ZNF268: variants seen among roughly 807,000 people sequenced by gnomAD.
The protein encoded by ZNF268 is zinc finger protein 3.
In ZNF268, 20 loss-of-function variants were observed where a neutral mutation model predicts 29.3. The observed-to-expected ratio is 0.68, with a 90% CI of 0.48 to 0.99. ZNF268 has a LOEUF of 0.99. ZNF268 is among the 50% of genes least tolerant of loss of function. The pLI is 0.00. For synonymous variants in ZNF268, 429 were observed against 376.9 expected, an observed-to-expected ratio of 1.14 and a Z score of -1.60; for missense variants, 1,240 against 1,121.6, an observed-to-expected ratio of 1.11 and a Z score of -1.51.
intron 5 of ZNF268, among the ~76,000 whole-genome samples, chr12:133,195,932 C>T (rs994805686): frequency 2.7e-5 from 4 of 150,758 alleles, no homozygotes; most frequent in Non-Finnish European, 5.9e-5. Flanking sequence ...AGGCTGGTCT[C>T]GAACTCCTGA....
chr12:133,202,872 G>C lies in ZNF268; in HGVS notation c.1186G>C (p.Ala396Pro). Residue 396 changes from alanine (A) to proline (P), a missense_variant, in exon 6 of 6, where the codon GCT becomes CCT. Physicochemically the swap from Ala to Pro is conservative, Grantham distance 27. Around this residue, in one of 3 missense-constraint regions of ZNF268, gnomAD observed 1,177 missense variants for 1,039.6 expected, o/e 1.13. Coordinates refer to ENST00000536435, the MANE Select transcript of ZNF268 (RefSeq NM_003415.3). ...KPYVCNECGK[A>P]FGLKSQLIIH... The stretch of plus-strand genomic sequence containing the variant: ...ATATGTGTGTAATGAATGTGGGAAA[G>C]CTTTTGGTTTAAAATCACAGCTCAT... 1 of 1,565,078 alleles carries C rather than the reference G, an allele frequency of 6.4e-7. No homozygotes were observed. Among genetic ancestry groups the C allele is most frequent in the Non-Finnish European group, 8.6e-7 (1 of 1,158,682 alleles).
chr12:133,202,695 T>A lies in ZNF268; in HGVS notation c.1009T>A (p.Cys337Ser). ...TGEKLHECSECRKTFSFHSQL... is the reference protein window; with the variant it reads ...TGEKLHECSESRKTFSFHSQL... The stretch of plus-strand genomic sequence containing the variant: ...AGAGAAACTACATGAATGCAGTGAA[T>A]GCAGGAAAACATTCAGTTTCCATTC... Residue 337 changes from cysteine to serine, a missense_variant, in exon 6 of 6, where the codon TGC (cysteine) becomes AGC (serine). Cys to Ser is a moderately radical substitution (Grantham distance 112, BLOSUM62 -1). Transcript: ENST00000536435. 1.2e-6 allele frequency: 2 copies of A among 1,610,954 alleles called. No homozygotes were observed. The highest frequency in any genetic ancestry group is 1.7e-6 in the Non-Finnish European group (2 of 1,178,492).
At chr12:133,182,121 G>A in intron 2 of ZNF268, 91 bp downstream of exon 2, 1 of 1,322,516 alleles carries the variant, frequency 7.6e-7, no homozygotes, top group Non-Finnish European at 1.0e-6. Context: ...TTTGCCAGGA[G>A]CTTTCTCACC....
At chr12:133,192,256 C>T (rs1314444062) in intron 5 of ZNF268, among the ~76,000 whole-genome samples, 1 of 151,686 alleles carries the variant, frequency 6.6e-6, no homozygotes, top group East Asian at 1.9e-4. Context: ...TACAGTTGTG[C>T]GCCACCATGC....
intron 1 of ZNF268, 56 bp from the exon 2 acceptor site, chr12:133,181,890 C>T (rs1027282296): frequency 1.6e-6 from 2 of 1,267,356 alleles, no homozygotes; most frequent in African/African-American, 1.5e-5. Flanking sequence ...GACCCTCCCC[C>T]TCTGGGTTTG....
intron 5 of ZNF268, among the ~76,000 whole-genome samples, chr12:133,193,181 G>A (rs761241236): frequency 1.3e-5 from 2 of 152,038 alleles, no homozygotes; most frequent in South Asian, 2.1e-4. Flanking sequence ...AAAGACTTAC[G>A]CATTAGCTGA....
At position 133,195,913 on chromosome 12, in the gene ZNF268, A is replaced by G. The variant is rs372524912; in HGVS notation, c.457+3910A>G. Among the ~76,000 whole-genome samples, 7 of 150,358 alleles carry G rather than the reference A, an allele frequency of 4.7e-5. No homozygotes were observed. The East Asian group carries it at 8.2e-4, about 18-fold the overall frequency. ...TTGTATTTTTAGACAGGGTTTCACC[A>G]TGTTGATCAGGCTGGTCTCGAACTC... On this transcript the variant is annotated intron_variant, in intron 5 of 5. Coordinates refer to ENST00000536435, the MANE Select transcript of ZNF268 (RefSeq NM_003415.3).
chr12:133,204,096 G>C lies in ZNF268; in HGVS notation c.2410G>C (p.Gly804Arg), dbSNP rs1436772067. 3 of 1,548,042 alleles carry C rather than the reference G, an allele frequency of 1.9e-6. No homozygotes were observed. Among genetic ancestry groups the C allele is most frequent in the Non-Finnish European group, 2.6e-6 (3 of 1,149,198 alleles). The change falls in exon 6 of 6, where the codon GGT becomes CGT. Residue 804 changes from glycine (G) to arginine (R), a missense_variant. Physicochemically the swap from Gly to Arg is moderately radical, Grantham distance 125 (BLOSUM62 -2). Transcript: ENST00000536435. The part of the protein sequence containing the change: ...YLIIHMRTHS[G>R]EKPYECNECG... ...AATTATACACATGAGAACTCATTCA[G>C]GTGAAAAACCATATGAATGTAATGA...
rs1956818593 is a variant in ZNF268 at position 133,203,730 on chromosome 12, C to T, written c.2044C>T (p.Gln682Ter). The change falls in exon 6 of 6, where the codon CAG becomes TAG. Residue 682 changes from glutamine (Q) to a stop codon, truncating the protein, a stop_gained. Coordinates refer to ENST00000536435, the MANE Select transcript of ZNF268 (RefSeq NM_003415.3). LOFTEE classifies it low-confidence loss of function (END_TRUNC). ...QCAKTFSLKS[Q>*]LIVHQRSHTG... Reference sequence around the variant, plus strand: ...TGCAAAAACCTTTAGTTTGAAGTCCCAGCTCATTGTACATCAGAGAAGTCA... The same window carrying T: ...TGCAAAAACCTTTAGTTTGAAGTCCTAGCTCATTGTACATCAGAGAAGTCA... 1.3e-6 allele frequency: 2 copies of T among 1,552,184 alleles called. No individual in the cohort carries two copies. The highest frequency in any genetic ancestry group is 1.7e-4 in the Middle Eastern group (1 of 6,000).
At chr12:133,191,816 A>T (rs781620873) in intron 4 of ZNF268, 92 bp from the exon 5 acceptor site, 6 of 1,518,254 alleles carry the variant, frequency 4.0e-6, no homozygotes, top group Non-Finnish European at 4.6e-6. Context: ...CAGCTTCATC[A>T]TGCTACCTCC....
At position 133,209,905 on chromosome 12, in the gene ZNF268, T is replaced by C. The variant is rs1371940902; in HGVS notation, c.*5375T>C. ...CCACAGGTGCTGTTCATCCCCAACT[T>C]TGACCTGGACTGTTGCAGTGTTTTG... On this transcript the variant is annotated 3_prime_UTR_variant, in exon 6 of 6. Transcript: ENST00000536435. 1 of 152,264 alleles carries C rather than the reference T, an allele frequency of 6.6e-6. No individual in the cohort carries two copies. Among genetic ancestry groups the C allele is most frequent in the African/African-American group, 2.4e-5 (1 of 41,458 alleles). The allele number at this position is 152,264 out of a possible 1,614,324, so 9.4% of individuals were successfully genotyped here. A position where few individuals can be genotyped will look rare whatever the true frequency, so the allele number is the denominator to read the frequency against.
At chr12:133,189,395 A>T (rs933275515) in intron 3 of ZNF268, among the ~76,000 whole-genome samples, 3 of 151,778 alleles carry the variant, frequency 2.0e-5, no homozygotes, top group African/African-American at 7.3e-5. Flanking sequence ...TTGTATTTGT[A>T]GTAGAGACAG....
At position 133,204,538 on chromosome 12, in the gene ZNF268, A is replaced by G; in HGVS notation, c.*8A>G. 1 of 1,481,648 alleles carries G rather than the reference A, an allele frequency of 6.7e-7. No homozygotes were observed. Among genetic ancestry groups the G allele is most frequent in the Non-Finnish European group, 8.9e-7 (1 of 1,121,196 alleles). 91.8% of individuals were successfully genotyped at this position (1,481,648 alleles called of 1,614,324 possible). A position where few individuals can be genotyped will look rare whatever the true frequency, so the allele number is the denominator to read the frequency against. On this transcript the variant is annotated 3_prime_UTR_variant, in exon 6 of 6. Coordinates refer to ENST00000536435, the MANE Select transcript of ZNF268 (RefSeq NM_003415.3). ...GTAGATGACAAACATTGATAATTTTACGAAACTCTGAAAAGTGGATTCACA... is the reference window on the plus strand; with the variant it reads ...GTAGATGACAAACATTGATAATTTTGCGAAACTCTGAAAAGTGGATTCACA...
In ZNF268 at chr12:133,203,601, C is replaced by T. The variant is rs779612954; in HGVS notation, c.1915C>T (p.Pro639Ser). ...TCAGAGAACTCATACAGGAGAGAAA[C>T]CCTATAGTTGTAATGAATGTGGAAA... ...VHQRTHTGEK[P>S]YSCNECGKAF... The change falls in exon 6 of 6, where the codon CCC (proline) becomes TCC (serine). Residue 639 changes from proline (P) to serine (S), a missense_variant. By Grantham distance (74) the Pro-to-Ser change is moderately conservative. This residue lies in a region of ZNF268 where 1,177 missense variants were observed against 1,039.6 expected (regional missense o/e 1.13). Coordinates refer to ENST00000536435, the MANE Select transcript of ZNF268 (RefSeq NM_003415.3). The T allele has an allele frequency of 1.1e-5, 17 of 1,570,022 alleles. No individual in the cohort carries two copies. The African/African-American group carries it at 1.9e-4, about 18-fold the overall frequency.
At chr12:133,191,709 T>C in intron 4 of ZNF268, 94 bp downstream of exon 4, 2 of 1,560,222 alleles carry the variant, frequency 1.3e-6, no homozygotes, top group Middle Eastern at 1.7e-4. Flanking sequence ...TACTTAGTGA[T>C]TTTGGACTTA....
chr12:133,204,415 A>G lies in ZNF268; in HGVS notation c.2729A>G (p.His910Arg). The change falls in exon 6 of 6, where the codon CAT becomes CGT. Residue 910 changes from histidine (H) to arginine (R), a missense_variant. By Grantham distance (29) the His-to-Arg change is conservative. Around this residue, in one of 3 missense-constraint regions of ZNF268, gnomAD observed 1,177 missense variants for 1,039.6 expected, o/e 1.13. Coordinates refer to ENST00000536435, the MANE Select transcript of ZNF268 (RefSeq NM_003415.3). ...TFSQKSILSA[H>R]QRTHTGEKPC... ...TCTCAAAAATCAATTCTCAGTGCAC[A>G]TCAGAGAACACATACAGGAGAGAAG... The G allele has an allele frequency of 3.2e-6, 5 of 1,568,544 alleles. No homozygotes were observed. The highest frequency in any genetic ancestry group is 3.4e-6 in the Non-Finnish European group (4 of 1,162,072).
chr12:133,193,529 TG>T, intron 5 of ZNF268: 2 of 688,594 alleles, frequency 2.9e-6, no homozygotes, highest in South Asian at 1.6e-5. Context: ...CTGCATCCTC[TG>T]GAGGTGAGGA....
chr12:133,211,230 A>G lies in ZNF268; in HGVS notation c.*6700A>G. ...ATATAAAAAAAAAACCCTAAAATTG[A>G]ACAAGAAGACAACCCAATTAAAAAT... On this transcript the variant is annotated 3_prime_UTR_variant, in exon 6 of 6. Coordinates refer to ENST00000536435, the MANE Select transcript of ZNF268 (RefSeq NM_003415.3). 5.6e-6 allele frequency: 2 copies of G among 355,460 alleles called. No homozygotes were observed. Among genetic ancestry groups the G allele is most frequent in the Non-Finnish European group, 1.1e-5 (2 of 181,794 alleles). 22.0% of individuals were successfully genotyped at this position (355,460 alleles called of 1,614,324 possible). A position where few individuals can be genotyped will look rare whatever the true frequency, so the allele number is the denominator to read the frequency against.
chr12:133,188,982 ATCTTTT>A (rs1265406218), intron 3 of ZNF268, among the ~76,000 whole-genome samples: 1 of 152,026 alleles, frequency 6.6e-6, no homozygotes, highest in Non-Finnish European at 1.5e-5. Flanking sequence ...GCTCATAAAG[ATCTTTT>A]TCTTTATTAC....
Sources: gnomAD v4.1 joint callset for allele counts (sites outside exome capture counted in the v4.1 genomes callset) on GRCh38, gnomAD v4.1.1 for gene constraint, gnomAD v4.1.1 regional missense constraint, MANE v1.5 for transcripts, NCBI Gene and HGNC (gene_info 2026-07-23, HGNC 2026-07-21) for gene names.